Variants in CLASP1 observed in about 807,000 individuals in gnomAD.
CLASP1 encodes the protein cytoplasmic linker associated protein 1.
CLASP1 carries 38 observed loss-of-function variants against 192.3 expected under a neutral mutation model. The observed-to-expected ratio is 0.20, with a 90% CI of 0.15 to 0.26. The LOEUF (loss-of-function observed/expected upper bound fraction) is 0.26. Ranked by LOEUF, CLASP1 falls within the 10% of genes least tolerant of loss-of-function variation. The pLI is 1.00. For missense variants in CLASP1, 1,433 were observed against 1,932.5 expected, an observed-to-expected ratio of 0.74 and a Z score of 4.85; for synonymous variants, 691 against 712.8, an observed-to-expected ratio of 0.97 and a Z score of 0.49.
Position 121,503,187 on chromosome 2 carries a change from T to C in CLASP1, c.692A>G (p.Asn231Ser), listed in dbSNP as rs770261375. 2.2e-4 allele frequency: 334 copies of C among 1,550,602 alleles called. No homozygotes were observed. The highest frequency in any genetic ancestry group is 5.5e-4 in the Admixed American group (28 of 51,022). ...CTCACCATTTGCAGATTGTATCATGTTTCCAGATTTCTGGACTTCATCAAA... is the reference window on the plus strand; with the variant it reads ...CTCACCATTTGCAGATTGTATCATGCTTCCAGATTTCTGGACTTCATCAAA... Residue 231 changes from asparagine (N) to serine (S), a missense_variant, in exon 8 of 40, where the codon AAC becomes AGC. Around this residue, in one of 8 missense-constraint regions of CLASP1, gnomAD observed 282 missense variants for 359.9 expected, o/e 0.78. Transcript: ENST00000263710.
chr2:121,508,704 T>A (rs79354786), intron 7 of CLASP1, among the ~76,000 whole-genome samples: 1 of 152,288 alleles, frequency 6.6e-6, no homozygotes, highest in Non-Finnish European at 1.5e-5. Flanking sequence ...GCTTCCCCAG[T>A]AGCTGGAACT....
At chr2:121,344,583 G>A (rs563407764) in intron 39 of CLASP1, among the ~76,000 whole-genome samples, 104 of 151,956 alleles carry the variant, frequency 6.8e-4, no homozygotes, top group Non-Finnish European at 1.1e-3. Context: ...CGCCCGCCTC[G>A]GCCTCCCAAA....
chr2:121,479,043 A>C (rs1444293812), intron 8 of CLASP1, among the ~76,000 whole-genome samples: 2 of 61,706 alleles, frequency 3.2e-5, no homozygotes, highest in Admixed American at 1.6e-4. Context: ...CCACACACAC[A>C]CACACCCCCC....
rs867514552 is a variant in CLASP1, at chr2:121,460,540, T to C, written c.1033-415A>G. On this transcript the variant is annotated intron_variant, in intron 11 of 39. Transcript: ENST00000263710. ...AAAGGAAGAAGCATTCCTATAGTATTTATTATCCTCCACTGAACCATTAAA... is the reference window on the plus strand; with the variant it reads ...AAAGGAAGAAGCATTCCTATAGTATCTATTATCCTCCACTGAACCATTAAA... 2.0e-5 allele frequency among the ~76,000 whole-genome samples: 3 copies of C among 152,158 alleles called. No individual in the cohort carries two copies. The South Asian group carries it at 6.2e-4, about 31-fold the overall frequency.
At chr2:121,436,182 C>A (rs2149690945) in intron 19 of CLASP1, among the ~76,000 whole-genome samples, 1 of 152,106 alleles carries the variant, frequency 6.6e-6, no homozygotes, top group African/African-American at 2.4e-5. Flanking sequence ...CAGACATGTA[C>A]CACCACGCCT....
intron 14 of CLASP1, among the ~76,000 whole-genome samples, chr2:121,454,477 C>T (rs1021037950): frequency 3.3e-5 from 5 of 152,172 alleles, no homozygotes; most frequent in African/African-American, 1.2e-4. Context: ...TTTGGCTCCT[C>T]TGGGCCACAG....
In CLASP1 at chr2:121,461,181, G is replaced by A. The variant is rs748650358; in HGVS notation, c.952C>T (p.Arg318Ter). 1 of 1,588,188 alleles carries A rather than the reference G, an allele frequency of 6.3e-7. No homozygotes were observed. The stretch of plus-strand genomic sequence containing the variant: ...TTGTTTATGGATTCCTCAAGGTCTC[G>A]GCTGGAATAAATCTGTAAGCAAAAT... The change falls in exon 11 of 40, where the codon CGA becomes TGA. Residue 318 changes from arginine (R) to a stop codon, truncating the protein, a stop_gained. Coordinates refer to ENST00000263710, the Ensembl canonical transcript of CLASP1. LOFTEE classifies it high-confidence loss of function.
intron 1 of CLASP1, among the ~76,000 whole-genome samples, chr2:121,648,113 T>C (rs2073508908): frequency 6.6e-6 from 1 of 152,254 alleles, no homozygotes; most frequent in South Asian, 2.1e-4. Context: ...AACATCAATG[T>C]TGCTATTCTC....
intron 9 of CLASP1, among the ~76,000 whole-genome samples, chr2:121,463,969 A>G (rs1384485372): frequency 6.8e-6 from 1 of 147,966 alleles, no homozygotes; most frequent in African/African-American, 2.5e-5. Flanking sequence ...AGCATTAGGT[A>G]TATCTCCTAA....
chr2:121,578,554 C>A (rs926556679), intron 2 of CLASP1, among the ~76,000 whole-genome samples: 4 of 151,460 alleles, frequency 2.6e-5, no homozygotes, highest in Admixed American at 1.3e-4. Flanking sequence ...ACGGTGAAAC[C>A]CCATCTCTAC....
At position 121,367,805 on chromosome 2, in the gene CLASP1, G is replaced by A. The variant is rs767902675; in HGVS notation, c.3669C>T (p.Ser1223=). The A allele has an allele frequency of 3.7e-6, 6 of 1,613,582 alleles. No individual in the cohort carries two copies. The African/African-American group carries it at 6.7e-5, about 18-fold the overall frequency. The change falls in exon 35 of 40, where the codon TCC becomes TCT. Residue 1223 remains serine, a synonymous_variant. Coordinates refer to ENST00000263710, the Ensembl canonical transcript of CLASP1. Reference sequence around the variant, plus strand: ...TACCCCCCCGGCCCTCAGTGGCAGGGGAGGCAGCGCCCCCATCGCGGGACA... The same window carrying A: ...TACCCCCCCGGCCCTCAGTGGCAGGAGAGGCAGCGCCCCCATCGCGGGACA...
rs1307084514 is a variant in CLASP1, at chr2:121,594,494, A to G, written c.195+11207T>C. Among the ~76,000 whole-genome samples the G allele has an allele frequency of 2.0e-5, 3 of 150,282 alleles. No homozygotes were observed. In the East Asian group the frequency reaches 6.0e-4, roughly 30 times the overall value. ...TGCAACCTCCGCCTCCCGGGTTCAC[A>G]CCATTCTCCTGCCTCAGCCTCCCGA... On this transcript the variant is annotated intron_variant, in intron 2 of 39. Coordinates refer to ENST00000263710, the Ensembl canonical transcript of CLASP1.
chr2:121,402,700 T>C (rs765003542), intron 26 of CLASP1: 19 of 517,922 alleles, frequency 3.7e-5, no homozygotes, highest in Non-Finnish European at 7.3e-5. Context: ...ATCAGTGTTC[T>C]AAACCATCTA....
chr2:121,449,008 T>G (rs1349765979), exon 17 of CLASP1: 1 of 1,613,964 alleles, frequency 6.2e-7, no homozygotes. Flanking sequence ...AGAGACACTA[T>G]GCTGTCTGAG....
intron 30 of CLASP1, among the ~76,000 whole-genome samples, chr2:121,392,218 C>G (rs1025300552): frequency 6.6e-6 from 1 of 152,196 alleles, no homozygotes; most frequent in African/African-American, 2.4e-5. Flanking sequence ...AGCAAACATA[C>G]AGGCATTTTA....
At chr2:121,405,829 T>C (rs957462326) in intron 25 of CLASP1, among the ~76,000 whole-genome samples, 9 of 152,320 alleles carry the variant, frequency 5.9e-5, no homozygotes, top group Non-Finnish European at 1.2e-4. Flanking sequence ...CAAAACTTCC[T>C]GTATCGTCTT....
At chr2:121,375,139 T>C (rs1457715133) in intron 34 of CLASP1, among the ~76,000 whole-genome samples, 1 of 152,116 alleles carries the variant, frequency 6.6e-6, no homozygotes, top group East Asian at 1.9e-4. Flanking sequence ...GATTTACCCC[T>C]TGCTGTTCTT....
chr2:121,447,473 A>G (rs368807886), exon 19 of CLASP1: 1 of 1,555,174 alleles, frequency 6.4e-7, no homozygotes. Flanking sequence ...GGAGGGACCC[A>G]GTCGTTGACA....
exon 15 of CLASP1, chr2:121,451,798 T>A: frequency 3.8e-6 from 6 of 1,574,518 alleles, no homozygotes; most frequent in Non-Finnish European, 5.2e-6. Flanking sequence ...ACCGTTCTAG[T>A]GAATGTGTCT....
Sources: gnomAD v4.1 joint callset for allele counts (sites outside exome capture counted in the v4.1 genomes callset) on GRCh38, gnomAD v4.1.1 for gene constraint, gnomAD v4.1.1 regional missense constraint, MANE v1.5 for transcripts, NCBI Gene and HGNC (gene_info 2026-07-23, HGNC 2026-07-21) for gene names.